Variants in KCNK10 observed in about 807,000 individuals in gnomAD.
KCNK10 encodes the protein potassium channel subfamily K member 10.
In KCNK10, 25 loss-of-function variants were observed where a neutral mutation model predicts 47.7. The ratio of observed to expected loss-of-function variants is 0.52; its 90% CI spans 0.38 to 0.73. The LOEUF (loss-of-function observed/expected upper bound fraction) is 0.73, where lower values mean the gene tolerates loss of function less well. Among genes scored for constraint, KCNK10 ranks in the 30% least tolerant of loss-of-function variants. The pLI, the probability that KCNK10 is intolerant of heterozygous loss-of-function variation, is 0.00. For missense variants in KCNK10, 563 were observed against 714.5 expected, an observed-to-expected ratio of 0.79 and a Z score of 2.42; for synonymous variants, 303 against 285.6, an observed-to-expected ratio of 1.06 and a Z score of -0.61.
chr14:88,279,507 C>G (rs1006945437), intron 1 of KCNK10, among the ~76,000 whole-genome samples: 4 of 151,066 alleles, frequency 2.6e-5, no homozygotes, highest in African/African-American at 9.8e-5. Flanking sequence ...TACAGGACAC[C>G]CAGTGAAATT....
intron 4 of KCNK10, among the ~76,000 whole-genome samples, chr14:88,206,904 G>A (rs1443848202): frequency 6.6e-6 from 1 of 152,144 alleles, no homozygotes; most frequent in Non-Finnish European, 1.5e-5. Context: ...ATATTACAGG[G>A]TTCAGAACCA....
chr14:88,273,331 C>T (rs529083955), intron 1 of KCNK10, among the ~76,000 whole-genome samples: 4 of 152,258 alleles, frequency 2.6e-5, no homozygotes, highest in African/African-American at 9.6e-5. Flanking sequence ...CAAGGCCTGA[C>T]CCACAGGAAG....
intron 4 of KCNK10, among the ~76,000 whole-genome samples, chr14:88,212,296 T>A (rs1243534632): frequency 1.3e-5 from 2 of 151,682 alleles, no homozygotes; most frequent in South Asian, 2.1e-4. Flanking sequence ...CAGAATTAGC[T>A]GGGCATGGTG....
intron 1 of KCNK10, among the ~76,000 whole-genome samples, chr14:88,319,394 C>A (rs1006458943): frequency 6.6e-6 from 1 of 152,186 alleles, no homozygotes; most frequent in Admixed American, 6.5e-5. Context: ...ATCCTACAGT[C>A]CAAGTAATGT....
chr14:88,192,209 G>T lies in KCNK10; in HGVS notation c.868+15C>A. 2 of 1,605,222 alleles carry T rather than the reference G, an allele frequency of 1.2e-6. No individual in the cohort carries two copies. Among genetic ancestry groups the T allele is most frequent in the Non-Finnish European group, 1.7e-6 (2 of 1,174,640 alleles). The stretch of plus-strand genomic sequence containing the variant: ...CCGCCAGAGCCCCAGTGCCTGGCCT[G>T]CCCAGGGTGCTTACCTGCCACAAAA... On this transcript the variant is annotated intron_variant, in intron 5 of 6. Transcript: ENST00000319231.
intron 3 of KCNK10, among the ~76,000 whole-genome samples, chr14:88,236,404 T>C (rs1351696098): frequency 6.6e-6 from 1 of 152,170 alleles, no homozygotes; most frequent in Non-Finnish European, 1.5e-5. Flanking sequence ...GCTACAACTG[T>C]GAACAATGCA....
intron 4 of KCNK10, among the ~76,000 whole-genome samples, chr14:88,215,167 C>T (rs1885579079): frequency 6.6e-6 from 1 of 152,178 alleles, no homozygotes; most frequent in African/African-American, 2.4e-5. Context: ...GCATAATAAA[C>T]CCTCAAAACA....
At chr14:88,281,753 C>T (rs1011485109) in intron 1 of KCNK10, among the ~76,000 whole-genome samples, 1 of 136,804 alleles carries the variant, frequency 7.3e-6, no homozygotes, top group African/African-American at 2.9e-5. Context: ...TATATATATA[C>T]ACATACACAC....
intron 1 of KCNK10, among the ~76,000 whole-genome samples, chr14:88,301,564 A>G (rs1299455845): frequency 6.6e-6 from 1 of 151,686 alleles, no homozygotes; most frequent in Non-Finnish European, 1.5e-5. Context: ...TTAGAGAAAG[A>G]TTCTTGGAGG....
intron 1 of KCNK10, among the ~76,000 whole-genome samples, chr14:88,315,467 CT>C (rs1284364262): frequency 1.3e-5 from 2 of 152,164 alleles, no homozygotes; most frequent in African/African-American, 2.4e-5. Flanking sequence ...GATGTCAAAC[CT>C]TTTATCACAC....
intron 1 of KCNK10, among the ~76,000 whole-genome samples, chr14:88,279,884 T>C (rs886961808): frequency 2.0e-5 from 3 of 152,098 alleles, no homozygotes; most frequent in African/African-American, 7.2e-5. Context: ...AACGAATAAG[T>C]CTCATGAGAT....
chr14:88,275,525 C>G (rs761742892), intron 1 of KCNK10, among the ~76,000 whole-genome samples: 203 of 152,038 alleles, frequency 1.3e-3, no homozygotes, highest in Non-Finnish European at 2.6e-3. Context: ...GAGATCCCTC[C>G]AGACAAACCG....
chr14:88,235,229 C>A, intron 3 of KCNK10: 4 of 456,694 alleles, frequency 8.8e-6, no homozygotes, highest in Non-Finnish European at 1.8e-5. Flanking sequence ...CTCTCCCCAA[C>A]TCCATGAAAT....
intron 2 of KCNK10, among the ~76,000 whole-genome samples, chr14:88,258,874 C>T (rs113285446): frequency 0.015 from 2,325 of 152,232 alleles, 57 homozygotes; most frequent in African/African-American, 0.053. Flanking sequence ...GCTATCCAGC[C>T]ATTTTGAGGG....
chr14:88,302,109 T>C (rs1023027779), intron 1 of KCNK10, among the ~76,000 whole-genome samples: 1 of 152,020 alleles, frequency 6.6e-6, no homozygotes, highest in Non-Finnish European at 1.5e-5. Context: ...GAGAACAAAA[T>C]GGCAGGGGTG....
intron 6 of KCNK10, among the ~76,000 whole-genome samples, chr14:88,187,600 C>T (rs537903626): frequency 6.9e-6 from 1 of 144,758 alleles, no homozygotes; most frequent in South Asian, 2.4e-4. Flanking sequence ...TCTGCACAGA[C>T]CCTGAGACCG....
At chr14:88,317,480 G>A (rs1365459317) in intron 1 of KCNK10, among the ~76,000 whole-genome samples, 1 of 152,174 alleles carries the variant, frequency 6.6e-6, no homozygotes, top group Non-Finnish European at 1.5e-5. Context: ...CTGATCAACA[G>A]GGAGACTGCT....
chr14:88,255,868 G>A (rs1164879540), intron 2 of KCNK10, among the ~76,000 whole-genome samples: 2 of 151,702 alleles, frequency 1.3e-5, no homozygotes, highest in Non-Finnish European at 2.9e-5. Context: ...TTAAAAAAAA[G>A]GAATAAAAAA....
intron 4 of KCNK10, among the ~76,000 whole-genome samples, chr14:88,220,923 C>G (rs1885788531): frequency 6.6e-6 from 1 of 151,460 alleles, no homozygotes; most frequent in Non-Finnish European, 1.5e-5. Flanking sequence ...AAAAGATAAC[C>G]CACAGATTGG....
Sources: gnomAD v4.1 joint callset for allele counts (sites outside exome capture counted in the v4.1 genomes callset) on GRCh38, gnomAD v4.1.1 for gene constraint, MANE v1.5 for transcripts, NCBI Gene and HGNC (gene_info 2026-07-23, HGNC 2026-07-21) for gene names.